CLDN10: variants seen among roughly 807,000 people sequenced by gnomAD.
CLDN10 encodes claudin 10.
In CLDN10, 15 loss-of-function variants were observed where a neutral mutation model predicts 22.9. The observed-to-expected ratio is 0.65, with a 90% CI of 0.44 to 1.01. The LOEUF (loss-of-function observed/expected upper bound fraction) is 1.01. CLDN10 is among the 50% of genes least tolerant of loss of function. The pLI is 0.00. For synonymous variants in CLDN10, 114 were observed against 111.4 expected (o/e 1.02, Z -0.15); for missense variants, 247 against 287.8 (o/e 0.86, Z 1.03).
chr13:95,486,062 G>T (rs573799864), intron 1 of CLDN10, among the ~76,000 whole-genome samples: 1 of 152,290 alleles, frequency 6.6e-6, no homozygotes, highest in Admixed American at 6.5e-5. Flanking sequence ...CTCAGCTACA[G>T]TGCATTGTGG....
rs1449013225 is a variant in CLDN10 at position 95,578,729 on chromosome 13, C to T, written c.*715C>T. 2 of 152,176 alleles carry T rather than the reference C, an allele frequency of 1.3e-5. No individual in the cohort carries two copies. The highest frequency in any genetic ancestry group is 2.9e-5 in the Non-Finnish European group (2 of 68,044). 9.4% of individuals were successfully genotyped at this position (152,176 alleles called of 1,614,324 possible). On this transcript the variant is annotated 3_prime_UTR_variant, in exon 5 of 5. Coordinates refer to ENST00000299339, the MANE Select transcript of CLDN10 (RefSeq NM_006984.5). The stretch of plus-strand genomic sequence containing the variant: ...AGCAGGGGATGTTCTCTGATTTATT[C>T]CACTGGCACCATTAGTGAATATTTA...
intron 1 of CLDN10, among the ~76,000 whole-genome samples, chr13:95,486,846 C>T (rs907440880): frequency 2.6e-5 from 4 of 152,158 alleles, no homozygotes; most frequent in Admixed American, 6.5e-5. Flanking sequence ...CTCCCTTTAC[C>T]GCCTCAGTGT....
intron 1 of CLDN10, among the ~76,000 whole-genome samples, chr13:95,441,625 G>C (rs535435821): frequency 6.6e-6 from 1 of 152,208 alleles, no homozygotes; most frequent in African/African-American, 2.4e-5. Context: ...CCAGCCAGCA[G>C]CATCTATATC....
At chr13:95,511,323 G>T (rs913911064) in intron 1 of CLDN10, among the ~76,000 whole-genome samples, 12 of 151,658 alleles carry the variant, frequency 7.9e-5, no homozygotes, top group African/African-American at 2.9e-4. Flanking sequence ...GAATGGCAGA[G>T]AACAAAAAAG....
chr13:95,438,807 T>G (rs1224304387), intron 1 of CLDN10, among the ~76,000 whole-genome samples: 2 of 152,064 alleles, frequency 1.3e-5, no homozygotes, highest in Non-Finnish European at 2.9e-5. Flanking sequence ...GGCGAAATCC[T>G]GTCTCTACTG....
intron 1 of CLDN10, among the ~76,000 whole-genome samples, chr13:95,459,532 C>T (rs1006433786): frequency 6.6e-6 from 1 of 152,218 alleles, no homozygotes; most frequent in Non-Finnish European, 1.5e-5. Context: ...GGACTTGCAC[C>T]CTCTGAAACA....
chr13:95,454,392 C>T (rs985616307), intron 1 of CLDN10, among the ~76,000 whole-genome samples: 4 of 151,890 alleles, frequency 2.6e-5, no homozygotes, highest in Non-Finnish European at 5.9e-5. Context: ...AGTGAGATTG[C>T]CCCACTGCAC....
At chr13:95,478,917 G>A (rs1190362387) in intron 1 of CLDN10, among the ~76,000 whole-genome samples, 2 of 152,230 alleles carry the variant, frequency 1.3e-5, no homozygotes, top group Non-Finnish European at 2.9e-5. Context: ...CACTGCCCTG[G>A]CACAGGGCTG....
chr13:95,509,375 C>G (rs1209411129), intron 1 of CLDN10, among the ~76,000 whole-genome samples: 3 of 152,078 alleles, frequency 2.0e-5, no homozygotes, highest in Non-Finnish European at 2.9e-5. Flanking sequence ...TAAAGATGGA[C>G]CTATGCACTT....
intron 1 of CLDN10, among the ~76,000 whole-genome samples, chr13:95,435,372 A>T (rs1376053052): frequency 1.3e-5 from 2 of 152,276 alleles, no homozygotes; most frequent in Non-Finnish European, 2.9e-5. Context: ...TTACTAAAGC[A>T]TAATGTGTTA....
At chr13:95,522,068 C>T (rs2043229332) in intron 1 of CLDN10, among the ~76,000 whole-genome samples, 2 of 151,584 alleles carry the variant, frequency 1.3e-5, no homozygotes, top group South Asian at 4.2e-4. Context: ...TCTTTTTTTA[C>T]TCAGTCTCAC....
intron 1 of CLDN10, among the ~76,000 whole-genome samples, chr13:95,473,160 G>A (rs72649665): frequency 0.24 from 29,845 of 122,340 alleles, 3,977 homozygotes; most frequent in Non-Finnish European, 0.3. Flanking sequence ...AAAAAAAAAA[G>A]GAGAGAGAGA....
At chr13:95,543,358 G>T (rs1201816661) in intron 1 of CLDN10, among the ~76,000 whole-genome samples, 6 of 152,116 alleles carry the variant, frequency 3.9e-5, no homozygotes, top group Non-Finnish European at 5.9e-5. Flanking sequence ...AAGTGTGGAG[G>T]TACATACCAC....
At chr13:95,568,916 C>G (rs1020385148) in intron 3 of CLDN10, among the ~76,000 whole-genome samples, 4 of 152,114 alleles carry the variant, frequency 2.6e-5, no homozygotes, top group Admixed American at 6.5e-5. Flanking sequence ...AGAGTAAACC[C>G]TCGCTCTGCC....
chr13:95,489,398 T>A (rs934041753), intron 1 of CLDN10, among the ~76,000 whole-genome samples: 1 of 152,136 alleles, frequency 6.6e-6, no homozygotes, highest in Non-Finnish European at 1.5e-5. Context: ...GTTTTTTTTT[T>A]ATTTTTTGAT....
intron 1 of CLDN10, among the ~76,000 whole-genome samples, chr13:95,467,124 A>C (rs917665782): frequency 6.7e-6 from 1 of 150,030 alleles, no homozygotes; most frequent in Admixed American, 6.7e-5. Context: ...TGATCTGCCC[A>C]CCTCAGCCTC....
At chr13:95,493,181 C>A (rs1263139419) in intron 1 of CLDN10, among the ~76,000 whole-genome samples, 2 of 152,258 alleles carry the variant, frequency 1.3e-5, no homozygotes, top group East Asian at 3.9e-4. Flanking sequence ...ACCTCTGCCA[C>A]CCCTGCCGCT....
chr13:95,468,219 T>TTTTGTTTGTTTG (rs144985723), intron 1 of CLDN10, among the ~76,000 whole-genome samples: 26 of 151,352 alleles, frequency 1.7e-4, no homozygotes, highest in African/African-American at 6.3e-4. Context: ...TTCTTCCTGT[T>TTTTGTTTGTTTG]TTTGTTTGTT....
chr13:95,561,212 G>T (rs755199396), intron 3 of CLDN10, among the ~76,000 whole-genome samples: 1 of 152,066 alleles, frequency 6.6e-6, no homozygotes, highest in Non-Finnish European at 1.5e-5. Context: ...GAAGCCTCAC[G>T]TACGTGTGTG....
Sources: allele counts gnomAD v4.1 joint callset (sites outside exome capture counted in the v4.1 genomes callset), GRCh38; gene constraint gnomAD v4.1.1; transcripts MANE v1.5; gene names NCBI Gene and HGNC (gene_info 2026-07-23, HGNC 2026-07-21).